Variants in RNF111 observed in about 807,000 individuals in gnomAD.
The protein encoded by RNF111 is E3 ubiquitin-protein ligase Arkadia.
A neutral mutation model predicts 95.1 loss-of-function variants in RNF111; 17 were observed. The ratio of observed to expected loss-of-function variants is 0.18; its 90% CI spans 0.12 to 0.27. RNF111 has a LOEUF of 0.27. RNF111 is among the 10% of genes least tolerant of loss of function. The pLI, the probability that RNF111 is intolerant of heterozygous loss-of-function variation, is 1.00. For synonymous variants in RNF111, 440 were observed against 414.8 expected, an observed-to-expected ratio of 1.06 and a Z score of -0.74; for missense variants, 1,189 against 1,210.4, an observed-to-expected ratio of 0.98 and a Z score of 0.26.
chr15:58,998,051 C>G (rs1396591951), intron 1 of RNF111, among the ~76,000 whole-genome samples: 2 of 151,180 alleles, frequency 1.3e-5, no homozygotes, highest in East Asian at 4.0e-4. Context: ...ATTACAGGCC[C>G]GTGCCACCAC....
intron 1 of RNF111, among the ~76,000 whole-genome samples, chr15:59,024,199 A>G (rs1317460378): frequency 6.6e-6 from 1 of 152,184 alleles, no homozygotes; most frequent in Non-Finnish European, 1.5e-5. Flanking sequence ...CTCATTCTGC[A>G]TATTTTCTTT....
At chr15:59,071,348 A>G (rs959503714) in intron 6 of RNF111, among the ~76,000 whole-genome samples, 3 of 149,718 alleles carry the variant, frequency 2.0e-5, no homozygotes, top group Admixed American at 6.7e-5. Flanking sequence ...TGCCTTTGCT[A>G]TAGAGTAGAG....
chr15:59,052,259 A>G lies in RNF111; in HGVS notation c.881-46A>G, dbSNP rs542492639. ...AAATAAAAATTTCTGCCTAACGATT[A>G]GCTGACAGGAAGATGCCTTTAAATG... On this transcript the variant is annotated intron_variant, in intron 2 of 13. Coordinates refer to ENST00000348370, the MANE Select transcript of RNF111 (RefSeq NM_017610.8). 7.5e-6 allele frequency: 11 copies of G among 1,473,692 alleles called. No individual in the cohort carries two copies. The South Asian group carries it at 1.5e-4, about 20-fold the overall frequency. 91.3% of individuals were successfully genotyped at this position (1,473,692 alleles called of 1,614,324 possible). A position where few individuals can be genotyped will look rare whatever the true frequency, so the allele number is the denominator to read the frequency against.
chr15:59,032,197 C>T (rs2040945228), intron 2 of RNF111, among the ~76,000 whole-genome samples: 1 of 152,096 alleles, frequency 6.6e-6, no homozygotes, highest in Admixed American at 6.5e-5. Context: ...CCTCAGCCTC[C>T]CAAAGTGATG....
intron 6 of RNF111, 41 bp from the exon 7 acceptor site, chr15:59,075,913 C>T: frequency 1.3e-6 from 2 of 1,594,592 alleles, no homozygotes; most frequent in Non-Finnish European, 1.7e-6. Context: ...AAATATTTGA[C>T]CAAACTTTAG....
intron 1 of RNF111, among the ~76,000 whole-genome samples, chr15:59,004,935 C>G (rs777278211): frequency 6.6e-6 from 1 of 152,074 alleles, no homozygotes; most frequent in African/African-American, 2.4e-5. Context: ...GAAGTGAGAC[C>G]CAGTGGAGAG....
At chr15:59,062,213 A>T (rs1210851837) in intron 5 of RNF111, among the ~76,000 whole-genome samples, 6 of 151,490 alleles carry the variant, frequency 4.0e-5, no homozygotes, top group African/African-American at 1.2e-4. Context: ...TGGCCAATTT[A>T]TGTATTTTTT....
chr15:59,006,926 C>T (rs2039567395), intron 1 of RNF111, among the ~76,000 whole-genome samples: 1 of 152,170 alleles, frequency 6.6e-6, no homozygotes, highest in South Asian at 2.1e-4. Context: ...GCTGGGATTG[C>T]AGGCGCCCGC....
Position 59,053,104 on chromosome 15 carries a change from A to G in RNF111, c.1007+673A>G, listed in dbSNP as rs538424302. ...TGATACCAGTGAAACTTGTGCTGTT[A>G]CTGTGTTAGGGCACCCTAATTCAAA... On this transcript the variant is annotated intron_variant, in intron 3 of 13. Transcript: ENST00000348370. Among the ~76,000 whole-genome samples the G allele has an allele frequency of 3.3e-5, 5 of 152,276 alleles. No homozygotes were observed. The South Asian group carries it at 1.0e-3, about 32-fold the overall frequency.
chr15:59,061,362 C>T (rs2042430607), intron 5 of RNF111, among the ~76,000 whole-genome samples: 1 of 152,144 alleles, frequency 6.6e-6, no homozygotes, highest in African/African-American at 2.4e-5. Flanking sequence ...TTCAAGCCAT[C>T]TAGCTTCACA....
intron 1 of RNF111, among the ~76,000 whole-genome samples, chr15:59,024,298 C>T (rs536305246): frequency 8.8e-4 from 134 of 152,124 alleles, no homozygotes; most frequent in Admixed American, 1.2e-3. Flanking sequence ...TTTACTCATT[C>T]TTTTACAGAT....
intron 1 of RNF111, among the ~76,000 whole-genome samples, chr15:59,006,578 G>GAAAAGATGAAAGA (rs2039549154): frequency 1.3e-5 from 2 of 152,092 alleles, no homozygotes; most frequent in Admixed American, 1.3e-4. Flanking sequence ...CTGCCACCTA[G>GAAAAGATGAAAGA]ATTCTATGAT....
chr15:59,086,094 C>T (rs899305680), intron 10 of RNF111, among the ~76,000 whole-genome samples: 6 of 152,096 alleles, frequency 3.9e-5, no homozygotes, highest in African/African-American at 1.4e-4. Context: ...GGTAATAGAT[C>T]CGTTCTGATG....
intron 11 of RNF111, among the ~76,000 whole-genome samples, chr15:59,090,824 G>A (rs926363705): frequency 2.0e-5 from 3 of 152,140 alleles, no homozygotes; most frequent in Non-Finnish European, 2.9e-5. Context: ...TTAGGAGGCC[G>A]AGGTGGGAGG....
At position 59,096,749 on chromosome 15, in the gene RNF111, C is replaced by A. The variant is rs1200511376; in HGVS notation, c.*1849C>A. The A allele has an allele frequency of 1.3e-5, 2 of 152,198 alleles. No homozygotes were observed. Among genetic ancestry groups the A allele is most frequent in the African/African-American group, 4.8e-5 (2 of 41,450 alleles). The allele number at this position is 152,198 out of a possible 1,614,324, so 9.4% of individuals were successfully genotyped here. A position where few individuals can be genotyped will look rare whatever the true frequency, so the allele number is the denominator to read the frequency against. ...TCTGCCATCTTACTGGGGAAAAGAG[C>A]AAGTAGCCTGTCTTCCTTTAAGTAA... On this transcript the variant is annotated 3_prime_UTR_variant, in exon 14 of 14. Coordinates refer to ENST00000348370, the MANE Select transcript of RNF111 (RefSeq NM_017610.8).
Position 59,030,902 on chromosome 15 carries a change from C to G in RNF111, c.80C>G (p.Pro27Arg), listed in dbSNP as rs924359611. ...AAGAGTGAGATTCCTTCTGATGCAC[C>G]AAAGACACAGGAGAGTCTGAAAGGG... Reference protein sequence around the residue: ...DMKSEIPSDAPKTQESLKGIL... With the variant: ...DMKSEIPSDARKTQESLKGIL... Residue 27 changes from proline to arginine, a missense_variant, in exon 2 of 14, where the codon CCA becomes CGA. Transcript: ENST00000348370. 18 of 1,614,128 alleles carry G rather than the reference C, an allele frequency of 1.1e-5. No individual in the cohort carries two copies. Among genetic ancestry groups the G allele is most frequent in the Non-Finnish European group, 1.4e-5 (17 of 1,179,998 alleles).
chr15:59,092,356 A>G (rs544833646), intron 12 of RNF111, among the ~76,000 whole-genome samples, 181 bp from the exon 13 acceptor site: 2 of 152,364 alleles, frequency 1.3e-5, no homozygotes, highest in Admixed American at 1.3e-4. Flanking sequence ...TCTTAAAAAT[A>G]TACTTAATTG....
chr15:59,027,143 C>T (rs980843892), intron 1 of RNF111, among the ~76,000 whole-genome samples: 1 of 152,204 alleles, frequency 6.6e-6, no homozygotes. Flanking sequence ...CATTGCTTCT[C>T]ATGATCTCCA....
chr15:59,001,961 G>T (rs762695440), intron 1 of RNF111, among the ~76,000 whole-genome samples: 8 of 152,174 alleles, frequency 5.3e-5, no homozygotes, highest in African/African-American at 7.2e-5. Context: ...AATAAAAATT[G>T]TGTGAATGTC....
Sources: gnomAD v4.1 joint callset for allele counts (sites outside exome capture counted in the v4.1 genomes callset) on GRCh38, gnomAD v4.1.1 for gene constraint, MANE v1.5 for transcripts, NCBI Gene and HGNC (gene_info 2026-07-23, HGNC 2026-07-21) for gene names.